LATS2: variants seen among roughly 807,000 people sequenced by gnomAD.
LATS2 encodes the protein serine/threonine-protein kinase LATS2.
Under a neutral mutation model 76.0 loss-of-function variants are expected in LATS2, and 24 were observed. The ratio of observed to expected loss-of-function variants is 0.32; its 90% CI spans 0.23 to 0.44. The LOEUF is 0.44. Among genes scored for constraint, LATS2 ranks in the 20% least tolerant of loss-of-function variants. The pLI, the probability that LATS2 is intolerant of heterozygous loss-of-function variation, is 1.00. For missense variants in LATS2, 1,286 were observed against 1,481.2 expected, an observed-to-expected ratio of 0.87 and a Z score of 2.16; for synonymous variants, 692 against 635.4, an observed-to-expected ratio of 1.09 and a Z score of -1.34.
At chr13:21,054,487 A>G (rs1323168428) in intron 1 of LATS2, among the ~76,000 whole-genome samples, 1 of 152,194 alleles carries the variant, frequency 6.6e-6, no homozygotes, top group Non-Finnish European at 1.5e-5. Flanking sequence ...GGTAGGATAT[A>G]GCAGGGCAAA....
At chr13:20,992,948 T>C (rs1870570334) in intron 2 of LATS2, among the ~76,000 whole-genome samples, 1 of 149,328 alleles carries the variant, frequency 6.7e-6, no homozygotes, top group African/African-American at 2.5e-5. Context: ...GGCAGGTGAA[T>C]TGCTTGAAAC....
chr13:21,000,378 C>CATCATA (rs1870986935), intron 2 of LATS2, among the ~76,000 whole-genome samples: 3 of 150,654 alleles, frequency 2.0e-5, no homozygotes, highest in East Asian at 1.9e-4. Flanking sequence ...AAGACTCTGT[C>CATCATA]ATAATAATAA....
chr13:21,041,497 G>C (rs1402244815), intron 2 of LATS2, among the ~76,000 whole-genome samples: 1 of 152,074 alleles, frequency 6.6e-6, no homozygotes, highest in South Asian at 2.1e-4. Context: ...GATAAAGTGG[G>C]GGGAAAGAAC....
rs748881098 is a variant in LATS2 at position 21,024,093 on chromosome 13, CAAAAAAAAAAAA to C, written c.342+21580_342+21591del. ...AGAAAGGTTAAAGTGTCTCGCTGTG[CAAAAAAAAAAAA>C]AAAAAAAAAAGAAAAAGAAAAAACA... On this transcript the variant is annotated intron_variant, in intron 2 of 7. Transcript: ENST00000382592. Among the ~76,000 whole-genome samples the C allele has an allele frequency of 7.6e-5, 6 of 79,240 alleles. No individual in the cohort carries two copies. The South Asian group carries it at 1.4e-3, about 18-fold the overall frequency. 52.0% of individuals were successfully genotyped at this position (79,240 alleles called of 152,430 possible).
In LATS2 at chr13:20,988,352, G is replaced by A; in HGVS notation, c.1428C>T (p.Ala476=). 2 of 1,368,352 alleles carry A rather than the reference G, an allele frequency of 1.5e-6. No homozygotes were observed. Among genetic ancestry groups the A allele is most frequent in the South Asian group, 1.7e-5 (1 of 59,024 alleles). The allele number at this position is 1,368,352 out of a possible 1,614,324, so 84.8% of individuals were successfully genotyped here. A position where few individuals can be genotyped will look rare whatever the true frequency, so the allele number is the denominator to read the frequency against. Reference sequence around the variant, plus strand: ...CCAAGCCCTCCGCAGCCGGGGCGGGGGCGGGGGCGGGGGCCGGGGCAGGCG... The same window carrying A: ...CCAAGCCCTCCGCAGCCGGGGCGGGAGCGGGGGCGGGGGCCGGGGCAGGCG... ...VPAPAPAPAP[A]PAPAAEGLDA... Residue 476 remains alanine, a synonymous_variant, in exon 4 of 8, where the codon GCC becomes GCT. Transcript: ENST00000382592.
chr13:21,040,326 T>C (rs1872825148), intron 2 of LATS2, among the ~76,000 whole-genome samples: 1 of 148,410 alleles, frequency 6.7e-6, no homozygotes, highest in African/African-American at 2.5e-5. Context: ...AAGGCTACAG[T>C]GAGCCGAGAT....
intron 2 of LATS2, among the ~76,000 whole-genome samples, chr13:21,022,536 C>A (rs1872111325): frequency 1.3e-5 from 2 of 152,162 alleles, no homozygotes; most frequent in African/African-American, 4.8e-5. Flanking sequence ...GGCCCTTGTT[C>A]TAACCACGCA....
intron 2 of LATS2, among the ~76,000 whole-genome samples, chr13:21,024,392 C>T (rs1443772015): frequency 2.6e-5 from 4 of 151,896 alleles, no homozygotes; most frequent in African/African-American, 7.3e-5. Context: ...GCCGAGATCG[C>T]GCCACTGTAC....
At chr13:21,051,502 G>A (rs113545688) in intron 1 of LATS2, among the ~76,000 whole-genome samples, 7 of 152,330 alleles carry the variant, frequency 4.6e-5, no homozygotes, top group Non-Finnish European at 1.0e-4. Flanking sequence ...AATGTTCACT[G>A]GAAAGGACTG....
chr13:21,003,351 C>T (rs1871128867), intron 2 of LATS2, among the ~76,000 whole-genome samples: 1 of 151,920 alleles, frequency 6.6e-6, no homozygotes, highest in Non-Finnish European at 1.5e-5. Flanking sequence ...CCTCCTAGGT[C>T]CAACCGATCC....
chr13:21,037,645 G>C (rs1436053274), intron 2 of LATS2, among the ~76,000 whole-genome samples: 1 of 152,122 alleles, frequency 6.6e-6, no homozygotes, highest in Non-Finnish European at 1.5e-5. Context: ...AGAAAATTAT[G>C]GTGTCACGGG....
At chr13:21,001,159 C>T (rs9552323) in intron 2 of LATS2, among the ~76,000 whole-genome samples, 14,110 of 152,148 alleles carry the variant, frequency 0.093, 1,247 homozygotes, top group East Asian at 0.43. Context: ...CTGTAAAATT[C>T]CAGGATTTTG....
Position 20,983,258 on chromosome 13 carries a change from G to C in LATS2, c.2448C>G (p.Phe816Leu). 4 of 1,613,712 alleles carry C rather than the reference G, an allele frequency of 2.5e-6. No homozygotes were observed. The highest frequency in any genetic ancestry group is 3.4e-6 in the Non-Finnish European group (4 of 1,179,764). ...KLTDFGLCTG[F>L]RWTHNSKYYQ... is the part of the protein sequence containing the mutation. ...AATATTTGGAATTGTGAGTCCACCT[G>C]AACCCAGTGCAGAGGCCGAAATCTG... is the stretch of plus-strand genomic sequence containing the variant. Residue 816 changes from phenylalanine to leucine, a missense_variant, in exon 5 of 8, where the codon TTC becomes TTG. By Grantham distance (22) the Phe-to-Leu change is conservative. Transcript: ENST00000382592.
chr13:21,059,308 A>G (rs12585878), intron 1 of LATS2, among the ~76,000 whole-genome samples: 111,007 of 152,204 alleles, frequency 0.73, 41,401 homozygotes, highest in Non-Finnish European at 0.82. Context: ...TACATTAAAA[A>G]CACTCTTGGC....
At chr13:21,024,514 G>A (rs1872226303) in intron 2 of LATS2, among the ~76,000 whole-genome samples, 1 of 151,872 alleles carries the variant, frequency 6.6e-6, no homozygotes, top group African/African-American at 2.4e-5. Context: ...GGGTTCAGTG[G>A]CGGTTCTCGC....
intron 2 of LATS2, among the ~76,000 whole-genome samples, chr13:21,043,542 T>TATAC (rs1193656103): frequency 2.6e-5 from 4 of 152,172 alleles, no homozygotes; most frequent in African/African-American, 9.7e-5. Flanking sequence ...GGCACAGCTG[T>TATAC]TTTAAGTTAT....
intron 2 of LATS2, among the ~76,000 whole-genome samples, chr13:21,004,766 T>C (rs1331972818): frequency 6.6e-6 from 1 of 152,226 alleles, no homozygotes; most frequent in Admixed American, 6.5e-5. Context: ...CAAAAGAGCT[T>C]CATGAGGAAA....
At chr13:21,034,154 G>A (rs1049141744) in intron 2 of LATS2, among the ~76,000 whole-genome samples, 2 of 152,156 alleles carry the variant, frequency 1.3e-5, no homozygotes, top group African/African-American at 2.4e-5. Flanking sequence ...ATTCTTTCTG[G>A]TCAGCGGGAA....
chr13:21,027,722 T>C (rs1872361542), intron 2 of LATS2, among the ~76,000 whole-genome samples: 1 of 152,292 alleles, frequency 6.6e-6, no homozygotes, highest in East Asian at 1.9e-4. Flanking sequence ...TTTTAAAACA[T>C]TGCTTTTGCT....
Sources: allele counts gnomAD v4.1 joint callset (sites outside exome capture counted in the v4.1 genomes callset), GRCh38; gene constraint gnomAD v4.1.1; transcripts MANE v1.5; gene names NCBI Gene and HGNC (gene_info 2026-07-23, HGNC 2026-07-21).